GRIK1: variants seen among roughly 807,000 people sequenced by gnomAD.
GRIK1 encodes glutamate receptor ionotropic, kainate 1.
GRIK1 carries 69 observed loss-of-function variants against 105.7 expected under a neutral mutation model. The ratio of observed to expected loss-of-function variants is 0.65; its 90% CI spans 0.54 to 0.80. The LOEUF (loss-of-function observed/expected upper bound fraction) is 0.80, where lower values mean the gene tolerates loss of function less well. GRIK1 is among the 30% of genes least tolerant of loss of function. The pLI is 0.00. For missense variants in GRIK1, 1,109 were observed against 1,167.3 expected, an observed-to-expected ratio of 0.95 and a Z score of 0.73; for synonymous variants, 438 against 431.3, an observed-to-expected ratio of 1.02 and a Z score of -0.19.
chr21:29,928,068 G>A (rs1339022249), intron 1 of GRIK1, among the ~76,000 whole-genome samples: 4 of 151,982 alleles, frequency 2.6e-5, no homozygotes, highest in Admixed American at 2.6e-4. Context: ...AATTGTCTTG[G>A]GCCATACATA....
intron 3 of GRIK1, among the ~76,000 whole-genome samples, chr21:29,673,979 C>G (rs363550): frequency 0.05 from 7,560 of 152,168 alleles, 228 homozygotes; most frequent in Admixed American, 0.1. Context: ...AAGGCTCCCT[C>G]TTATGTTCCC....
At chr21:29,794,165 T>C (rs2066496241) in intron 1 of GRIK1, among the ~76,000 whole-genome samples, 1 of 152,196 alleles carries the variant, frequency 6.6e-6, no homozygotes. Context: ...TAATTATAAC[T>C]TGTTTTTCCC....
chr21:29,745,068 C>T (rs990656454), intron 1 of GRIK1, among the ~76,000 whole-genome samples: 4 of 152,114 alleles, frequency 2.6e-5, no homozygotes, highest in Non-Finnish European at 5.9e-5. Flanking sequence ...TTAAATGTCA[C>T]TTCTGTGATT....
intron 1 of GRIK1, among the ~76,000 whole-genome samples, chr21:29,892,867 A>G (rs107032): frequency 0.14 from 21,493 of 152,192 alleles, 1,651 homozygotes; most frequent in Non-Finnish European, 0.18. Context: ...AGCACCTCCA[A>G]AACATTCTGA....
chr21:29,567,249 G>A (rs1179710620), intron 14 of GRIK1, among the ~76,000 whole-genome samples: 2 of 152,130 alleles, frequency 1.3e-5, no homozygotes, highest in African/African-American at 2.4e-5. Flanking sequence ...AATAAAATAT[G>A]TGCAAATTCT....
chr21:29,834,687 A>G (rs2067732998), intron 1 of GRIK1, among the ~76,000 whole-genome samples: 1 of 151,244 alleles, frequency 6.6e-6, no homozygotes, highest in East Asian at 1.9e-4. Context: ...ATTATACATC[A>G]TAGTTCTTGA....
At chr21:29,866,916 T>G (rs1219799637) in intron 1 of GRIK1, among the ~76,000 whole-genome samples, 4 of 152,180 alleles carry the variant, frequency 2.6e-5, no homozygotes, top group African/African-American at 9.7e-5. Context: ...GCCTTTTGAG[T>G]CCTGCACTCA....
chr21:29,939,044 C>G (rs1485092723), intron 1 of GRIK1, among the ~76,000 whole-genome samples: 1 of 152,160 alleles, frequency 6.6e-6, no homozygotes, highest in African/African-American at 2.4e-5. Context: ...GAGCTCATTT[C>G]TGCGCCCAAC....
At chr21:29,738,655 G>A (rs2064854480) in intron 1 of GRIK1, among the ~76,000 whole-genome samples, 1 of 152,158 alleles carries the variant, frequency 6.6e-6, no homozygotes, top group East Asian at 1.9e-4. Flanking sequence ...TGGTTTCTGT[G>A]GAGGAACTAT....
At chr21:29,783,628 G>A (rs973039488) in intron 1 of GRIK1, among the ~76,000 whole-genome samples, 3 of 151,958 alleles carry the variant, frequency 2.0e-5, no homozygotes, top group Non-Finnish European at 4.4e-5. Flanking sequence ...GTAACATAGG[G>A]TTCTGGCTTA....
Position 29,584,090 on chromosome 21 carries a change from T to C in GRIK1, c.1794-2547A>G, listed in dbSNP as rs115932588. ...AATGTGAAAGTTCACTTTGGGTTTA[T>C]GTTTGTTTCTGCCTGGCTTACACTT... On this transcript the variant is annotated intron_variant, in intron 12 of 17. Coordinates refer to ENST00000327783, the MANE Select transcript of GRIK1 (RefSeq NM_001330994.2). Among the ~76,000 whole-genome samples, 590 of 152,316 alleles carry C rather than the reference T, an allele frequency of 3.9e-3. 3 individuals carry two copies. Among genetic ancestry groups the C allele is most frequent in the African/African-American group, 0.013 (560 of 41,574 alleles).
At chr21:29,787,811 T>A (rs1232907685) in intron 1 of GRIK1, among the ~76,000 whole-genome samples, 1 of 152,234 alleles carries the variant, frequency 6.6e-6, no homozygotes, top group African/African-American at 2.4e-5. Flanking sequence ...AGTGACTTCA[T>A]TTAAATTTTA....
intron 1 of GRIK1, among the ~76,000 whole-genome samples, chr21:29,766,670 T>A (rs1479755957): frequency 1.3e-5 from 2 of 152,152 alleles, no homozygotes; most frequent in Non-Finnish European, 2.9e-5. Context: ...TTCTCACACA[T>A]AGAGACAGCT....
At chr21:29,716,637 A>G (rs552228979) in intron 1 of GRIK1, among the ~76,000 whole-genome samples, 2 of 152,352 alleles carry the variant, frequency 1.3e-5, no homozygotes, top group South Asian at 2.1e-4. Flanking sequence ...CTAGAGATCT[A>G]TGGAACTTTG....
intron 7 of GRIK1, among the ~76,000 whole-genome samples, chr21:29,627,259 A>G (rs1322100019): frequency 6.6e-6 from 1 of 152,184 alleles, no homozygotes; most frequent in East Asian, 1.9e-4. Flanking sequence ...TTGATGGTGG[A>G]AAGTATTTTA....
chr21:29,853,306 T>G (rs1413140369), intron 1 of GRIK1, among the ~76,000 whole-genome samples: 1 of 152,312 alleles, frequency 6.6e-6, no homozygotes, highest in East Asian at 1.9e-4. Context: ...TTGGTTCTGA[T>G]TTTTTGTTGT....
Position 29,780,278 on chromosome 21 carries a change from T to C in GRIK1, c.119-86215A>G, listed in dbSNP as rs140447984. Among the ~76,000 whole-genome samples the C allele has an allele frequency of 6.8e-4, 104 of 152,320 alleles. No homozygotes were observed. In the Middle Eastern group the frequency reaches 0.01, roughly 15 times the overall value. The stretch of plus-strand genomic sequence containing the variant: ...CCCCTTTTCAGCCATGTCCATGAGA[T>C]TACAAGGAACCACTAAGATTTATAT... On this transcript the variant is annotated intron_variant, in intron 1 of 17. Transcript: ENST00000327783.
chr21:29,928,283 A>G (rs2071452303), intron 1 of GRIK1, among the ~76,000 whole-genome samples: 1 of 152,228 alleles, frequency 6.6e-6, no homozygotes, highest in Admixed American at 6.5e-5. Context: ...TTTAATTTTT[A>G]AAAGCATTGC....
chr21:29,780,856 A>G (rs190041286), intron 1 of GRIK1, among the ~76,000 whole-genome samples: 2 of 152,196 alleles, frequency 1.3e-5, no homozygotes, highest in Non-Finnish European at 2.9e-5. Flanking sequence ...AGTAAAAATG[A>G]TTAGAGACAA....
Sources: allele counts gnomAD v4.1 joint callset (sites outside exome capture counted in the v4.1 genomes callset), GRCh38; gene constraint gnomAD v4.1.1; transcripts MANE v1.5; gene names NCBI Gene and HGNC (gene_info 2026-07-23, HGNC 2026-07-21).